FMO4: variants seen among roughly 807,000 people sequenced by gnomAD.
The protein encoded by FMO4 is dimethylaniline monooxygenase [N-oxide-forming] 4.
Under a neutral mutation model 43.3 loss-of-function variants are expected in FMO4, and 38 were observed. The observed-to-expected ratio is 0.88, with a 90% CI of 0.68 to 1.15. The LOEUF (loss-of-function observed/expected upper bound fraction) is 1.15. Ranked by LOEUF, FMO4 falls within the 50% of genes most tolerant of loss-of-function variation. FMO4 has a pLI of 0.00. For missense variants in FMO4, 631 were observed against 663.3 expected, an observed-to-expected ratio of 0.95 and a Z score of 0.54; for synonymous variants, 224 against 232.2, an observed-to-expected ratio of 0.96 and a Z score of 0.32.
chr1:171,340,789 T>C (rs1663342134), intron 9 of FMO4, among the ~76,000 whole-genome samples: 1 of 152,176 alleles, frequency 6.6e-6, no homozygotes, highest in Non-Finnish European at 1.5e-5. Flanking sequence ...CTTTAAGATA[T>C]CCATCTTTTT....
At chr1:171,327,100 A>G (rs1295534365) in intron 5 of FMO4, among the ~76,000 whole-genome samples, 1 of 152,210 alleles carries the variant, frequency 6.6e-6, no homozygotes, top group African/African-American at 2.4e-5. Context: ...TGAGCCCTCC[A>G]GTAAATTCCC....
At chr1:171,337,061 C>T (rs1427470271) in intron 8 of FMO4, among the ~76,000 whole-genome samples, 2 of 151,824 alleles carry the variant, frequency 1.3e-5, no homozygotes, top group African/African-American at 4.8e-5. Context: ...TGAAGAGAGA[C>T]AGGGCAGGCC....
At chr1:171,331,599 CTT>C in intron 5 of FMO4, 39 bp from the exon 6 acceptor site, 1 of 1,603,228 alleles carries the variant, frequency 6.2e-7, no homozygotes, top group Non-Finnish European at 8.5e-7. Context: ...GAAATTATAA[CTT>C]TAGACATTTC....
At position 171,334,670 on chromosome 1, in the gene FMO4, G is replaced by A; in HGVS notation, c.1087G>A (p.Ala363Thr). 2 of 1,613,842 alleles carry A rather than the reference G, an allele frequency of 1.2e-6. No individual in the cohort carries two copies. The highest frequency in any genetic ancestry group is 8.5e-7 in the Non-Finnish European group (1 of 1,179,858). The change falls in exon 8 of 10, where the codon GCG (alanine) becomes ACG (threonine). Residue 363 changes from alanine to threonine, a missense_variant. Physicochemically the swap from Ala to Thr is moderately conservative, Grantham distance 58. Coordinates refer to ENST00000367749, the MANE Select transcript of FMO4 (RefSeq NM_002022.3). ...AGTCTTTCCCTTAAACCTAGAGAGAGCGACATTAGCCATCATCGGCCTTAT... is the reference window on the plus strand; with the variant it reads ...AGTCTTTCCCTTAAACCTAGAGAGAACGACATTAGCCATCATCGGCCTTAT... ...KQVFPLNLER[A>T]TLAIIGLIGL...
chr1:171,324,050 T>G (rs1662550442), intron 4 of FMO4, 88 bp from the exon 5 acceptor site: 8 of 1,276,876 alleles, frequency 6.3e-6, no homozygotes, highest in Non-Finnish European at 8.5e-6. Context: ...CTTGGCCTAC[T>G]AAAAGTAACA....
At position 171,337,623 on chromosome 1, in the gene FMO4, C is replaced by G. The variant is rs1047179643; in HGVS notation, c.1250+198C>G. The stretch of plus-strand genomic sequence containing the variant: ...GCCTTAGACAAGTCATCTGGGGACA[C>G]CAGGTCTTTTCAGTGGAACACACAG... On this transcript the variant is annotated intron_variant, in intron 9 of 9. Coordinates refer to ENST00000367749, the MANE Select transcript of FMO4 (RefSeq NM_002022.3). 8.5e-5 allele frequency among the ~76,000 whole-genome samples: 13 copies of G among 152,268 alleles called. 1 individual carries two copies. The highest frequency in any genetic ancestry group is 6.8e-3 in the Middle Eastern group (2 of 294).
intron 7 of FMO4, 85 bp from the exon 8 acceptor site, chr1:171,334,326 T>A (rs758254650): frequency 1.6e-5 from 13 of 799,790 alleles, no homozygotes; most frequent in Non-Finnish European, 2.6e-5. Flanking sequence ...TGGCAGGTAA[T>A]TTCCCTGAAT....
In FMO4 at chr1:171,339,489, G is replaced by A. The variant is rs956159597; in HGVS notation, c.1251-1924G>A. 1.6e-4 allele frequency among the ~76,000 whole-genome samples: 25 copies of A among 152,076 alleles called. 1 individual carries two copies. Among genetic ancestry groups the A allele is most frequent in the African/African-American group, 4.6e-4 (19 of 41,412 alleles). ...AGCAGCTAGAAGAACTCACAGCCCC[G>A]GATGAGAACATCCCAGCGAAGATCC... On this transcript the variant is annotated intron_variant, in intron 9 of 9. Coordinates refer to ENST00000367749, the MANE Select transcript of FMO4 (RefSeq NM_002022.3).
rs1662140871 is a variant in FMO4 at position 171,315,029 on chromosome 1, C to T, written c.-151+616C>T. The stretch of plus-strand genomic sequence containing the variant: ...AACCTATGGCTGGCACGGTGGCTCA[C>T]GCCTGTAATCCCAGCACTTTGGAAA... On this transcript the variant is annotated intron_variant, in intron 1 of 9. Transcript: ENST00000367749. Among the ~76,000 whole-genome samples the T allele has an allele frequency of 1.3e-5, 2 of 152,168 alleles. 1 individual carries two copies. Among genetic ancestry groups the T allele is most frequent in the African/African-American group, 4.8e-5 (2 of 41,426 alleles).
chr1:171,320,805 A>G (rs1032914984), intron 3 of FMO4, among the ~76,000 whole-genome samples: 1 of 151,954 alleles, frequency 6.6e-6, no homozygotes, highest in African/African-American at 2.4e-5. Flanking sequence ...GTGAGACCCT[A>G]TCTCTACAAA....
At chr1:171,323,545 T>G (rs1281944841) in intron 4 of FMO4, among the ~76,000 whole-genome samples, 2 of 152,170 alleles carry the variant, frequency 1.3e-5, no homozygotes, top group Non-Finnish European at 2.9e-5. Context: ...ACACCTGTGA[T>G]TCCAGCTTCT....
intron 3 of FMO4, among the ~76,000 whole-genome samples, chr1:171,322,740 CTA>C (rs1358857757): frequency 7.2e-5 from 11 of 152,110 alleles, no homozygotes; most frequent in African/African-American, 2.7e-4. Flanking sequence ...GTAATCCAAA[CTA>C]TTTGGGAGGC....
intron 9 of FMO4, among the ~76,000 whole-genome samples, chr1:171,340,799 T>A (rs1358686144): frequency 6.6e-6 from 1 of 152,198 alleles, no homozygotes; most frequent in Non-Finnish European, 1.5e-5. Context: ...TCCATCTTTT[T>A]CTTTTTAGCC....
chr1:171,339,046 A>G (rs1558044871), intron 9 of FMO4, among the ~76,000 whole-genome samples: 1 of 152,220 alleles, frequency 6.6e-6, no homozygotes, highest in African/African-American at 2.4e-5. Flanking sequence ...TAAGTAAATA[A>G]GTAAGTTTAC....
chr1:171,319,726 C>T, intron 2 of FMO4, 92 bp from the exon 3 acceptor site: 1 of 1,034,774 alleles, frequency 9.7e-7, no homozygotes. Flanking sequence ...GAAAAAAAGG[C>T]ATATATAGCA....
Position 171,341,714 on chromosome 1 carries a change from TG to T in FMO4, c.1558del (p.Ala520HisfsTer18), listed in dbSNP as rs770011693. ...CTCCATGTCACATTATTTAAAAGCC[TG>T]GGGGGCACCTGTCCTACTTGCCTCT... ...PASMSHYLKA[W>X]GAPVLLASLL... is the part of the protein sequence containing the mutation. On this transcript the variant is annotated frameshift_variant, in exon 10 of 10. Transcript: ENST00000367749. LOFTEE classifies it low-confidence loss of function (END_TRUNC). 1.9e-6 allele frequency: 3 copies of T among 1,613,874 alleles called. No homozygotes were observed. Among genetic ancestry groups the T allele is most frequent in the East Asian group, 2.2e-5 (1 of 44,846 alleles).
chr1:171,318,022 T>C (rs1662263726), intron 2 of FMO4, among the ~76,000 whole-genome samples: 1 of 152,022 alleles, frequency 6.6e-6, no homozygotes, highest in African/African-American at 2.4e-5. Context: ...TTATCCAAAA[T>C]ACTTGGGACC....
intron 5 of FMO4, among the ~76,000 whole-genome samples, chr1:171,326,626 A>G (rs955762714): frequency 6.6e-6 from 1 of 152,228 alleles, no homozygotes; most frequent in Non-Finnish European, 1.5e-5. Context: ...AGCATTGATT[A>G]GTCATTGGCT....
At chr1:171,338,084 ATAGC>A (rs1663195746) in intron 9 of FMO4, among the ~76,000 whole-genome samples, 1 of 152,036 alleles carries the variant, frequency 6.6e-6, no homozygotes, top group African/African-American at 2.4e-5. Flanking sequence ...ATCTCAGTTC[ATAGC>A]TACTCATTCC....
Sources: allele counts gnomAD v4.1 joint callset (sites outside exome capture counted in the v4.1 genomes callset), GRCh38; gene constraint gnomAD v4.1.1; transcripts MANE v1.5; gene names NCBI Gene and HGNC (gene_info 2026-07-23, HGNC 2026-07-21).